Variants in LARGE1 observed in about 807,000 individuals in gnomAD.
LARGE1 encodes the protein LARGE xylosyl- and glucuronyltransferase 1.
LARGE1 carries 43 observed loss-of-function variants against 87.6 expected under a neutral mutation model. The observed-to-expected ratio is 0.49, with a 90% CI of 0.38 to 0.63. The LOEUF (loss-of-function observed/expected upper bound fraction) is 0.63, where lower values mean the gene tolerates loss of function less well. Ranked by LOEUF, LARGE1 falls within the 30% of genes least tolerant of loss-of-function variation. LARGE1 has a pLI of 0.00. For missense variants in LARGE1, 802 were observed against 1,000.2 expected, an observed-to-expected ratio of 0.80 and a Z score of 2.67; for synonymous variants, 434 against 394.6, an observed-to-expected ratio of 1.10 and a Z score of -1.18.
intron 1 of LARGE1, among the ~76,000 whole-genome samples, chr22:33,805,771 A>C (rs2086289317): frequency 6.6e-6 from 1 of 151,784 alleles, no homozygotes; most frequent in Admixed American, 6.6e-5. Context: ...GAATAAATAA[A>C]TAAATAAATA....
rs552550666 is a variant in LARGE1, at chr22:33,294,115, C to T, written c.1730+10114G>A. On this transcript the variant is annotated intron_variant, in intron 12 of 14. Transcript: ENST00000397394. ...TTGGGACCTCTTGTGGCCCCTACTC[C>T]TCGGGCAGGGGTTGGGGAATTCCCC... Among the ~76,000 whole-genome samples, 6 of 152,352 alleles carry T rather than the reference C, an allele frequency of 3.9e-5. No individual in the cohort carries two copies. In the South Asian group the frequency reaches 1.2e-3, roughly 32 times the overall value.
intron 1 of LARGE1, among the ~76,000 whole-genome samples, chr22:33,763,822 A>T (rs2084809997): frequency 6.7e-6 from 1 of 148,654 alleles, no homozygotes; most frequent in Admixed American, 6.8e-5. Flanking sequence ...GCAGAAAAGC[A>T]GCCTTAATTA....
chr22:33,537,412 G>T (rs1291996050), intron 6 of LARGE1, among the ~76,000 whole-genome samples: 1 of 152,026 alleles, frequency 6.6e-6, no homozygotes, highest in African/African-American at 2.4e-5. Context: ...TCATTATATC[G>T]CTTCTTCTCT....
At chr22:33,688,988 A>G (rs1333995597) in intron 2 of LARGE1, among the ~76,000 whole-genome samples, 1 of 152,140 alleles carries the variant, frequency 6.6e-6, no homozygotes, top group East Asian at 1.9e-4. Flanking sequence ...TTTCCTAAGC[A>G]CACATCTAAA....
chr22:33,527,211 G>A (rs528332500), intron 6 of LARGE1, among the ~76,000 whole-genome samples: 6 of 152,264 alleles, frequency 3.9e-5, no homozygotes, highest in African/African-American at 9.6e-5. Context: ...AGCCGAGATC[G>A]CACCATTGCA....
chr22:33,543,860 C>T (rs1372757766), intron 6 of LARGE1, among the ~76,000 whole-genome samples: 1 of 152,172 alleles, frequency 6.6e-6, no homozygotes, highest in African/African-American at 2.4e-5. Context: ...GCAAGACTGG[C>T]CCTTGGCTGG....
the LARGE1 span, among the ~76,000 whole-genome samples, chr22:33,156,001 C>T: frequency 5.9e-5 from 9 of 152,108 alleles, no homozygotes; most frequent in Admixed American, 3.9e-4. Flanking sequence ...TAGTGTTGAG[C>T]CTGTGGGTGC....
chr22:33,775,500 T>C (rs1015120471), intron 1 of LARGE1, among the ~76,000 whole-genome samples: 9 of 33,620 alleles, frequency 2.7e-4, no homozygotes, highest in Non-Finnish European at 4.8e-4. Flanking sequence ...TGGTTCTCAA[T>C]AGGGGGTAAT....
chr22:33,478,781 T>C (rs1259153144), intron 6 of LARGE1, among the ~76,000 whole-genome samples: 6 of 150,610 alleles, frequency 4.0e-5, no homozygotes, highest in African/African-American at 1.5e-4. Context: ...CTTTCTTCTC[T>C]TAGTTCCACT....
At chr22:33,669,838 T>C (rs2081360252) in intron 2 of LARGE1, among the ~76,000 whole-genome samples, 1 of 152,240 alleles carries the variant, frequency 6.6e-6, no homozygotes, top group Non-Finnish European at 1.5e-5. Context: ...AAGTTATACC[T>C]ACAATTTCTC....
chr22:33,407,815 C>A (rs1297398135), intron 7 of LARGE1, among the ~76,000 whole-genome samples: 1 of 152,112 alleles, frequency 6.6e-6, no homozygotes, highest in Non-Finnish European at 1.5e-5. Flanking sequence ...TCTGTTGCAA[C>A]TACTTAATTT....
the LARGE1 span, among the ~76,000 whole-genome samples, chr22:33,080,902 T>TCATC: frequency 2.0e-5 from 3 of 152,162 alleles, no homozygotes; most frequent in African/African-American, 7.2e-5. Context: ...CACTCAAAAG[T>TCATC]CATCCATCCA....
At position 33,169,324 on chromosome 22, in the gene LARGE1, T is replaced by A. The variant is rs187816372; in HGVS notation, c.1731-2492A>T. The stretch of plus-strand genomic sequence containing the variant: ...GCCCTAAAATTCTGCTTGGAGACAG[T>A]GCTTCTTGTTATGGGAAAGTCTTGC... On this transcript the variant is annotated intron_variant, in intron 11 of 11. Coordinates refer to the LARGE1 transcript ENST00000608642. Among the ~76,000 whole-genome samples, 246 of 152,214 alleles carry A rather than the reference T, an allele frequency of 1.6e-3. 1 individual carries two copies. Among genetic ancestry groups the A allele is most frequent in the African/African-American group, 5.7e-3 (238 of 41,546 alleles).
intron 11 of LARGE1, among the ~76,000 whole-genome samples, chr22:33,254,689 T>C (rs1478197831): frequency 6.6e-6 from 1 of 152,174 alleles, no homozygotes; most frequent in African/African-American, 2.4e-5. Flanking sequence ...CCTGCCTCAC[T>C]GGGTTGCTAG....
intron 6 of LARGE1, among the ~76,000 whole-genome samples, chr22:33,556,538 AGGAGGGAGGGAG>A (rs769770874): frequency 1.4e-5 from 1 of 72,574 alleles, no homozygotes; most frequent in Non-Finnish European, 2.3e-5. Flanking sequence ...GAGGGAGGGA[AGGAGGGAGGGAG>A]GGAGGGAGGG....
At chr22:33,276,613 C>T (rs143520274) in intron 14 of LARGE1, among the ~76,000 whole-genome samples, 2 of 152,282 alleles carry the variant, frequency 1.3e-5, no homozygotes, top group East Asian at 1.9e-4. Context: ...GTCTCAAAGT[C>T]GCCACTCTTT....
intron 6 of LARGE1, among the ~76,000 whole-genome samples, chr22:33,507,946 C>G (rs938779122): frequency 6.6e-6 from 1 of 152,146 alleles, no homozygotes; most frequent in Non-Finnish European, 1.5e-5. Flanking sequence ...CTTTAAATCC[C>G]ACAATTCCTA....
At chr22:33,449,164 G>A (rs955806744) in intron 6 of LARGE1, among the ~76,000 whole-genome samples, 5 of 152,098 alleles carry the variant, frequency 3.3e-5, no homozygotes, top group African/African-American at 1.2e-4. Flanking sequence ...TCTGTTTTCC[G>A]TAAGTTAAGC....
intron 5 of LARGE1, among the ~76,000 whole-genome samples, chr22:33,585,947 C>T (rs942437846): frequency 6.6e-6 from 1 of 152,234 alleles, no homozygotes; most frequent in African/African-American, 2.4e-5. Flanking sequence ...GATCCACCTG[C>T]CTCGGCCTCC....
Sources: gnomAD v4.1 joint callset for allele counts (sites outside exome capture counted in the v4.1 genomes callset) on GRCh38, gnomAD v4.1.1 for gene constraint, MANE v1.5 for transcripts, NCBI Gene and HGNC (gene_info 2026-07-23, HGNC 2026-07-21) for gene names.